UBE2B: variants seen among roughly 807,000 people sequenced by gnomAD.
UBE2B encodes ubiquitin-conjugating enzyme E2 B.
Under a neutral mutation model 24.6 loss-of-function variants are expected in UBE2B, and 11 were observed. That is an observed-to-expected ratio of 0.45 (90% CI 0.28 to 0.74). UBE2B has a LOEUF of 0.74. Ranked by LOEUF, UBE2B falls within the 30% of genes least tolerant of loss-of-function variation. UBE2B has a pLI of 0.13. For synonymous variants in UBE2B, 68 were observed against 62.4 expected, an observed-to-expected ratio of 1.09 and a Z score of -0.42; for missense variants, 78 against 185.6, an observed-to-expected ratio of 0.42 and a Z score of 3.37.
Position 134,390,055 on chromosome 5 carries a change from G to C in UBE2B, c.331-170G>C. 1.3e-6 allele frequency: 1 copy of C among 743,422 alleles called. No individual in the cohort carries two copies. The highest frequency in any genetic ancestry group is 1.6e-5 in the South Asian group (1 of 62,380). The allele number at this position is 743,422 out of a possible 1,614,324, so 46.1% of individuals were successfully genotyped here. A position where few individuals can be genotyped will look rare whatever the true frequency, so the allele number is the denominator to read the frequency against. ...TTCCTTAGCAGCAGGAAACCCCATA[G>C]TATTTATCAAATCATTTCTAAAAGT... On this transcript the variant is annotated intron_variant, in intron 5 of 5. Coordinates refer to ENST00000265339, the MANE Select transcript of UBE2B (RefSeq NM_003337.4). The surrounding 1 kb of genome is among the most constrained non-coding windows in gnomAD (Gnocchi z 4.6).
rs1758901642 is a variant in UBE2B, at chr5:134,391,766, C to A, written c.*1413C>A. 1 of 152,154 alleles carries A rather than the reference C, an allele frequency of 6.6e-6. No homozygotes were observed. The allele number at this position is 152,154 out of a possible 1,614,324, so 9.4% of individuals were successfully genotyped here. A position where few individuals can be genotyped will look rare whatever the true frequency, so the allele number is the denominator to read the frequency against. On this transcript the variant is annotated 3_prime_UTR_variant, in exon 6 of 6. Transcript: ENST00000265339. Reference sequence around the variant, plus strand: ...TCACTTGAGGCCAGGACTTTGAGACCAGCCAGGGCAACATAATAAGACTTT... The same window carrying A: ...TCACTTGAGGCCAGGACTTTGAGACAAGCCAGGGCAACATAATAAGACTTT...
rs1758902440 is a variant in UBE2B at position 134,391,820 on chromosome 5, G to T, written c.*1467G>T. 1 of 152,204 alleles carries T rather than the reference G, an allele frequency of 6.6e-6. No homozygotes were observed. The highest frequency in any genetic ancestry group is 1.5e-5 in the Non-Finnish European group (1 of 68,044). 9.4% of individuals were successfully genotyped at this position (152,204 alleles called of 1,614,324 possible). On this transcript the variant is annotated 3_prime_UTR_variant, in exon 6 of 6. Coordinates refer to ENST00000265339, the MANE Select transcript of UBE2B (RefSeq NM_003337.4). ...CTACTTTAAATTTTTTAAAAAATTA[G>T]TTGGGCATAGTGGCACTTGCCTGTA...
intron 2 of UBE2B, 36 bp from the exon 3 acceptor site, chr5:134,376,633 G>A (rs779543206): frequency 1.2e-6 from 2 of 1,608,566 alleles, no homozygotes; most frequent in South Asian, 1.1e-5. Flanking sequence ...AGCAGAATGA[G>A]AAACTTCTTT....
intron 2 of UBE2B, 32 bp from the exon 3 acceptor site, chr5:134,376,637 C>T: frequency 1.2e-6 from 2 of 1,609,418 alleles, no homozygotes; most frequent in Non-Finnish European, 8.5e-7. Context: ...GAATGAGAAA[C>T]TTCTTTTAAT....
At position 134,371,569 on chromosome 5, in the gene UBE2B, AGACT is replaced by A. The variant is rs1272028512; in HGVS notation, c.-23_-20del. The A allele has an allele frequency of 5.6e-6, 9 of 1,607,458 alleles. No individual in the cohort carries two copies. Among genetic ancestry groups the A allele is most frequent in the South Asian group, 5.5e-5 (5 of 90,856 alleles). On this transcript the variant is annotated 5_prime_UTR_variant, in exon 1 of 6. Coordinates refer to ENST00000265339, the MANE Select transcript of UBE2B (RefSeq NM_003337.4). ...GGCTGCGCGGGACTTTTTTTTTTTC[AGACT>A]GACCGCGGGGCAGCTGCGGAGCATG...
rs1416562803 is a variant in UBE2B at position 134,372,184 on chromosome 5, C to T, written c.44+545C>T. On this transcript the variant is annotated intron_variant, in intron 1 of 5. Transcript: ENST00000265339. ...GGAGGTTAACCCATCCCCCGAAACC[C>T]GACTCTGTCCCCGCCCGCCTGAAAG... Among the ~76,000 whole-genome samples the T allele has an allele frequency of 2.6e-5, 4 of 152,308 alleles. No homozygotes were observed. The East Asian group carries it at 7.7e-4, about 29-fold the overall frequency.
At chr5:134,388,031 G>A in intron 4 of UBE2B, 1 of 385,726 alleles carries the variant, frequency 2.6e-6, no homozygotes, top group South Asian at 2.6e-5. Flanking sequence ...TCAGACTCCT[G>A]ACCTCAAGCA....
chr5:134,391,794 T>G lies in UBE2B; in HGVS notation c.*1441T>G, dbSNP rs1231931140. ...CCAGGGCAACATAATAAGACTTTTC[T>G]CTACTTTAAATTTTTTAAAAAATTA... On this transcript the variant is annotated 3_prime_UTR_variant, in exon 6 of 6. Coordinates refer to ENST00000265339, the MANE Select transcript of UBE2B (RefSeq NM_003337.4). 1 of 152,170 alleles carries G rather than the reference T, an allele frequency of 6.6e-6. No individual in the cohort carries two copies. The highest frequency in any genetic ancestry group is 1.5e-5 in the Non-Finnish European group (1 of 68,026). 9.4% of individuals were successfully genotyped at this position (152,170 alleles called of 1,614,324 possible).
chr5:134,372,667 A>C (rs1758494955), intron 1 of UBE2B, among the ~76,000 whole-genome samples: 1 of 152,136 alleles, frequency 6.6e-6, no homozygotes. Flanking sequence ...TATTTAATTC[A>C]TTCGTAGCTT....
rs1235755306 is a variant in UBE2B, at chr5:134,371,583, G to T, written c.-13G>T. ...TTTTTTTTTTCAGACTGACCGCGGG[G>T]CAGCTGCGGAGCATGTCGACCCCGG... On this transcript the variant is annotated 5_prime_UTR_variant, in exon 1 of 6. Coordinates refer to ENST00000265339, the MANE Select transcript of UBE2B (RefSeq NM_003337.4). The T allele has an allele frequency of 6.2e-7, 1 of 1,612,400 alleles. No homozygotes were observed. The highest frequency in any genetic ancestry group is 8.5e-7 in the Non-Finnish European group (1 of 1,179,702).
intron 3 of UBE2B, among the ~76,000 whole-genome samples, chr5:134,378,521 C>T (rs901502393): frequency 6.6e-6 from 1 of 152,102 alleles, no homozygotes; most frequent in African/African-American, 2.4e-5. Context: ...CTTGGCCACC[C>T]GAAGTGCTGA....
At chr5:134,387,993 G>T (rs1420705016) in intron 4 of UBE2B, 1 of 275,218 alleles carries the variant, frequency 3.6e-6, no homozygotes, top group Non-Finnish European at 7.1e-6. Context: ...AGTAGAGATG[G>T]GGTTTCACTG....
intron 4 of UBE2B, among the ~76,000 whole-genome samples, chr5:134,381,481 G>T (rs1357599790): frequency 6.6e-6 from 1 of 151,868 alleles, no homozygotes; most frequent in African/African-American, 2.4e-5. Context: ...GTGTTGCCCA[G>T]GCTGGTCCTT....
intron 1 of UBE2B, among the ~76,000 whole-genome samples, chr5:134,372,455 C>T (rs1758481855): frequency 6.6e-6 from 1 of 152,088 alleles, no homozygotes; most frequent in Non-Finnish European, 1.5e-5. Context: ...CGTTGTTTAC[C>T]TTTTATTGGA....
chr5:134,392,082 G>A lies in UBE2B; in HGVS notation c.*1729G>A, dbSNP rs1581329072. On this transcript the variant is annotated 3_prime_UTR_variant, in exon 6 of 6. Coordinates refer to ENST00000265339, the MANE Select transcript of UBE2B (RefSeq NM_003337.4). Reference sequence around the variant, plus strand: ...TGGCTCCCAAAAAGATGCTTTAATTGTGTGGTGCTTTTATAGTTTAGCTCC... The same window carrying A: ...TGGCTCCCAAAAAGATGCTTTAATTATGTGGTGCTTTTATAGTTTAGCTCC... The A allele has an allele frequency of 6.6e-6, 1 of 152,184 alleles. No individual in the cohort carries two copies. Among genetic ancestry groups the A allele is most frequent in the African/African-American group, 2.4e-5 (1 of 41,446 alleles). 9.4% of individuals were successfully genotyped at this position (152,184 alleles called of 1,614,324 possible).
At chr5:134,374,512 A>G (rs1409152554) in intron 2 of UBE2B, 49 bp downstream of exon 2, 3 of 1,531,738 alleles carry the variant, frequency 2.0e-6, no homozygotes, top group Non-Finnish European at 2.7e-6. Context: ...AATCTTTAAG[A>G]AAAGTAAACA....
rs369722982 is a variant in UBE2B, at chr5:134,376,713, G to C, written c.151+19G>C. ...GAAGATGGTAAGTCATACTCATTAT[G>C]TTTTCTATAGTGTTATGAGGTTACT... On this transcript the variant is annotated intron_variant, in intron 3 of 5. Coordinates refer to ENST00000265339, the MANE Select transcript of UBE2B (RefSeq NM_003337.4). The C allele has an allele frequency of 1.7e-4, 276 of 1,605,998 alleles. No homozygotes were observed. Among genetic ancestry groups the C allele is most frequent in the Non-Finnish European group, 2.3e-4 (265 of 1,175,822 alleles).
intron 2 of UBE2B, among the ~76,000 whole-genome samples, chr5:134,375,771 G>A (rs1385232724): frequency 7.8e-6 from 1 of 127,446 alleles, no homozygotes. Flanking sequence ...CTGCACTCCA[G>A]CCTGGGCGAC....
chr5:134,377,055 G>A (rs1758621446), intron 3 of UBE2B, among the ~76,000 whole-genome samples: 1 of 152,094 alleles, frequency 6.6e-6, no homozygotes, highest in Non-Finnish European at 1.5e-5. Flanking sequence ...AGGGTGTTGA[G>A]CTGAAATTTT....
Sources: allele counts gnomAD v4.1 joint callset (sites outside exome capture counted in the v4.1 genomes callset), GRCh38; gene constraint gnomAD v4.1.1; non-coding constraint Gnocchi (gnomAD v3.1); transcripts MANE v1.5; gene names NCBI Gene and HGNC (gene_info 2026-07-23, HGNC 2026-07-21).